Variants in PLEKHG1 observed in about 807,000 individuals in gnomAD.
PLEKHG1 encodes the protein pleckstrin homology domain-containing family G member 1.
In PLEKHG1, 44 loss-of-function variants were observed where a neutral mutation model predicts 100.8. That is an observed-to-expected ratio of 0.44 (90% CI 0.34 to 0.56). The LOEUF (loss-of-function observed/expected upper bound fraction) is 0.56, where lower values mean the gene tolerates loss of function less well. Ranked by LOEUF, PLEKHG1 falls within the 20% of genes least tolerant of loss-of-function variation. PLEKHG1 has a pLI of 0.01. For synonymous variants in PLEKHG1, 640 were observed against 662.5 expected, an observed-to-expected ratio of 0.97 and a Z score of 0.52; for missense variants, 1,545 against 1,720.9, an observed-to-expected ratio of 0.90 and a Z score of 1.81.
At chr6:150,643,758 A>T (rs143508875) in intron 2 of PLEKHG1, among the ~76,000 whole-genome samples, 1 of 152,166 alleles carries the variant, frequency 6.6e-6, no homozygotes, top group Non-Finnish European at 1.5e-5. Flanking sequence ...CATTCACTAC[A>T]TAATTGAATC....
chr6:150,599,923 G>T (rs1776257113), exon 1 of PLEKHG1: 2 of 193,300 alleles, frequency 1.0e-5, no homozygotes, highest in South Asian at 1.4e-4. Flanking sequence ...GCGGCTGCAG[G>T]GCGCTCCGGC....
At chr6:150,754,241 TGA>T (rs1242309301) in intron 2 of PLEKHG1, among the ~76,000 whole-genome samples, 1 of 151,702 alleles carries the variant, frequency 6.6e-6, no homozygotes, top group Middle Eastern at 3.2e-3. Flanking sequence ...TAAAACGACA[TGA>T]GAGGGCAGGG....
chr6:150,620,681 G>C (rs895498787), intron 1 of PLEKHG1, among the ~76,000 whole-genome samples: 3 of 152,206 alleles, frequency 2.0e-5, no homozygotes, highest in Non-Finnish European at 2.9e-5. Flanking sequence ...ATGTCTATAT[G>C]TGTGTTCATT....
intron 3 of PLEKHG1, among the ~76,000 whole-genome samples, chr6:150,704,736 A>G (rs913689155): frequency 1.3e-5 from 2 of 152,388 alleles, no homozygotes; most frequent in Non-Finnish European, 2.9e-5. Context: ...TGCCATAACA[A>G]TAACACAGAC....
At chr6:150,815,758 C>G (rs1787831948) in intron 10 of PLEKHG1, among the ~76,000 whole-genome samples, 1 of 152,116 alleles carries the variant, frequency 6.6e-6, no homozygotes, top group African/African-American at 2.4e-5. Flanking sequence ...CAGATGGTAG[C>G]AAAATAGAGT....
chr6:150,606,566 T>G (rs927505343), intron 1 of PLEKHG1, among the ~76,000 whole-genome samples: 3 of 152,118 alleles, frequency 2.0e-5, no homozygotes, highest in African/African-American at 7.2e-5. Flanking sequence ...ACTGCTGAAG[T>G]CTTTGCTTTT....
intron 3 of PLEKHG1, among the ~76,000 whole-genome samples, chr6:150,658,705 A>G (rs1360735760): frequency 6.6e-6 from 1 of 152,198 alleles, no homozygotes; most frequent in Non-Finnish European, 1.5e-5. Flanking sequence ...TAGTACAGCC[A>G]CATCACTTTG....
chr6:150,772,581 T>G (rs1784762755), intron 3 of PLEKHG1, among the ~76,000 whole-genome samples: 1 of 152,206 alleles, frequency 6.6e-6, no homozygotes, highest in African/African-American at 2.4e-5. Context: ...ATGGCACCAC[T>G]GCTCTCCAGC....
intron 4 of PLEKHG1, among the ~76,000 whole-genome samples, chr6:150,789,497 T>C (rs1785837615): frequency 6.6e-6 from 1 of 152,126 alleles, no homozygotes; most frequent in Non-Finnish European, 1.5e-5. Flanking sequence ...CCCTCCAATT[T>C]AAAATAGGAA....
At chr6:150,614,069 G>C (rs1290399133) in intron 1 of PLEKHG1, among the ~76,000 whole-genome samples, 1 of 152,206 alleles carries the variant, frequency 6.6e-6, no homozygotes, top group Non-Finnish European at 1.5e-5. Flanking sequence ...TATTTGGAAA[G>C]TTATTTTTGG....
Position 150,600,792 on chromosome 6 carries a change from T to TG in PLEKHG1, c.-204+778dup, listed in dbSNP as rs977104700. 3 of 152,248 alleles carry TG rather than the reference T, an allele frequency of 2.0e-5. No individual in the cohort carries two copies. The highest frequency in any genetic ancestry group is 7.2e-5 in the African/African-American group (3 of 41,458). 9.4% of individuals were successfully genotyped at this position (152,248 alleles called of 1,614,324 possible). A position where few individuals can be genotyped will look rare whatever the true frequency, so the allele number is the denominator to read the frequency against. ...GCCGGAAGCTTGGGAACGCTCTAACTGGGAGAACGGCGCTCGGCTGGTCAA... is the reference window on the plus strand; with the variant it reads ...GCCGGAAGCTTGGGAACGCTCTAACTGGGGAGAACGGCGCTCGGCTGGTCAA... On this transcript the variant is annotated intron_variant, in intron 1 of 3. Coordinates refer to the PLEKHG1 transcript ENST00000367326. The surrounding 1 kb of genome is among the most constrained non-coding windows in gnomAD (Gnocchi z 6.2).
intron 3 of PLEKHG1, among the ~76,000 whole-genome samples, chr6:150,659,462 T>G (rs1471757312): frequency 6.6e-6 from 1 of 152,196 alleles, no homozygotes; most frequent in African/African-American, 2.4e-5. Context: ...CTCAGGCAAG[T>G]TATTTGCCAA....
intron 3 of PLEKHG1, among the ~76,000 whole-genome samples, chr6:150,669,813 G>C (rs2128584253): frequency 6.6e-6 from 1 of 152,122 alleles, no homozygotes; most frequent in Middle Eastern, 3.4e-3. Flanking sequence ...GGCCAGACTG[G>C]TCTCGAACTC....
intron 7 of PLEKHG1, among the ~76,000 whole-genome samples, chr6:150,807,627 G>A (rs886623680): frequency 1.3e-5 from 2 of 152,120 alleles, no homozygotes; most frequent in African/African-American, 2.4e-5. Flanking sequence ...CTAAAACGGG[G>A]AGTGGGGCAA....
chr6:150,713,607 G>A (rs147450580), intron 3 of PLEKHG1, among the ~76,000 whole-genome samples: 29 of 152,246 alleles, frequency 1.9e-4, no homozygotes, highest in African/African-American at 4.8e-4. Flanking sequence ...AATTGCTGAG[G>A]GTCAGGTGTG....
chr6:150,763,024 CTTTTTTTTTTT>C (rs60462437), intron 2 of PLEKHG1, among the ~76,000 whole-genome samples: 1 of 76,530 alleles, frequency 1.3e-5, no homozygotes, highest in African/African-American at 6.9e-5. Context: ...GATAAAGCTT[CTTTTTTTTTTT>C]TTTTTTTTTG....
chr6:150,730,868 C>T (rs544485394), intron 1 of PLEKHG1, among the ~76,000 whole-genome samples: 1 of 151,614 alleles, frequency 6.6e-6, no homozygotes, highest in East Asian at 1.9e-4. Context: ...TACCATTGCA[C>T]TCCAGCCTGG....
At chr6:150,726,498 T>G in intron 1 of PLEKHG1, among the ~76,000 whole-genome samples, 1 of 152,174 alleles carries the variant, frequency 6.6e-6, no homozygotes, top group East Asian at 1.9e-4. Flanking sequence ...TTTAAATGTA[T>G]AAAAAAGTTG....
chr6:150,748,615 C>CTTTT (rs746682669), intron 2 of PLEKHG1, among the ~76,000 whole-genome samples: 27 of 118,174 alleles, frequency 2.3e-4, no homozygotes, highest in Non-Finnish European at 3.7e-4. Context: ...TACCTTTGAC[C>CTTTT]TTTTTTTTTT....
Sources: gnomAD v4.1 joint callset for allele counts (sites outside exome capture counted in the v4.1 genomes callset) on GRCh38, gnomAD v4.1.1 for gene constraint, Gnocchi (gnomAD v3.1) non-coding constraint, MANE v1.5 for transcripts, NCBI Gene and HGNC (gene_info 2026-07-23, HGNC 2026-07-21) for gene names.